NSD1: variants seen among roughly 807,000 people sequenced by gnomAD.
The protein encoded by NSD1 is histone-lysine N-methyltransferase, H3 lysine-36 specific.
Under a neutral mutation model 242.7 loss-of-function variants are expected in NSD1, and 26 were observed. That is an observed-to-expected ratio of 0.11 (90% CI 0.08 to 0.15). The LOEUF (loss-of-function observed/expected upper bound fraction) is 0.15, where lower values mean the gene tolerates loss of function less well. NSD1 is among the 10% of genes least tolerant of loss of function. The probability of loss-of-function intolerance (pLI) is 1.00; values close to 1 mark genes in which losing one functional copy is unlikely to be tolerated. For synonymous variants in NSD1, 1,106 were observed against 1,178.1 expected, an observed-to-expected ratio of 0.94 and a Z score of 1.25; for missense variants, 2,495 against 3,272.8, an observed-to-expected ratio of 0.76 and a Z score of 5.80.
At chr5:177,140,794 T>C (rs1756744322) in intron 2 of NSD1, among the ~76,000 whole-genome samples, 1 of 152,120 alleles carries the variant, frequency 6.6e-6, no homozygotes, top group Non-Finnish European at 1.5e-5. Flanking sequence ...TGGAGGCAGA[T>C]TGGAGTCTGG....
chr5:177,174,512 G>C (rs1760013800), intron 2 of NSD1, among the ~76,000 whole-genome samples: 1 of 151,618 alleles, frequency 6.6e-6, no homozygotes, highest in African/African-American at 2.4e-5. Flanking sequence ...ACTGCACCCG[G>C]CCAGAAGTTA....
At chr5:177,216,033 G>A (rs1454280685) in intron 5 of NSD1, among the ~76,000 whole-genome samples, 1 of 151,544 alleles carries the variant, frequency 6.6e-6, no homozygotes, top group Non-Finnish European at 1.5e-5. Flanking sequence ...GCTAATTTTT[G>A]TGTTTTTTTG....
rs762139163 is a variant in NSD1, at chr5:177,209,884, T to C, written c.1485T>C (p.Ala495=). 6 of 1,614,016 alleles carry C rather than the reference T, an allele frequency of 3.7e-6. No homozygotes were observed. The highest frequency in any genetic ancestry group is 5.1e-6 in the Non-Finnish European group (6 of 1,180,026). ...CAGATGAGAAGGAAAAGCCTTGCGC[T>C]AAATCTCGAGCCAGAAAGAGCTCTG... ...HSADEKEKPC[A]KSRARKSSDN... is the part of the protein sequence containing the mutation. Residue 495 remains alanine, a synonymous_variant, in exon 5 of 23, where the codon GCT becomes GCC. Transcript: ENST00000439151.
intron 3 of NSD1, among the ~76,000 whole-genome samples, chr5:177,196,628 A>G (rs1324271689): frequency 2.0e-5 from 3 of 152,218 alleles, no homozygotes; most frequent in Admixed American, 1.3e-4. Context: ...CAGAGCATCT[A>G]TAACTCAGAA....
At chr5:177,168,521 G>A (rs7703057) in intron 2 of NSD1, among the ~76,000 whole-genome samples, 34,873 of 149,870 alleles carry the variant, frequency 0.23, 5,379 homozygotes, top group East Asian at 0.51. Flanking sequence ...GTGCAATGGC[G>A]TGATCTTGGC....
At chr5:177,229,563 T>C (rs1262361625) in intron 5 of NSD1, among the ~76,000 whole-genome samples, 1 of 152,198 alleles carries the variant, frequency 6.6e-6, no homozygotes, top group Non-Finnish European at 1.5e-5. Context: ...TTATCTTAGC[T>C]TGGCAAATCA....
At chr5:177,148,346 G>C (rs916824184) in intron 2 of NSD1, among the ~76,000 whole-genome samples, 79 of 152,144 alleles carry the variant, frequency 5.2e-4, no homozygotes, top group African/African-American at 1.6e-3. Flanking sequence ...CCAAACTCTT[G>C]ACCCCAGGTG....
chr5:177,146,074 G>A (rs1757215629), intron 2 of NSD1, among the ~76,000 whole-genome samples: 1 of 150,166 alleles, frequency 6.7e-6, no homozygotes, highest in Non-Finnish European at 1.5e-5. Context: ...GGGTGACCCT[G>A]TCTCTTAAAA....
At chr5:177,203,996 A>T in intron 3 of NSD1, 124 bp from the exon 4 acceptor site, 1 of 914,720 alleles carries the variant, frequency 1.1e-6, no homozygotes, top group Non-Finnish European at 1.8e-6. Flanking sequence ...TAGGTTGTCT[A>T]GTTCAGTGGG....
intron 5 of NSD1, among the ~76,000 whole-genome samples, chr5:177,215,905 G>A (rs889339722): frequency 4.1e-4 from 62 of 152,090 alleles, no homozygotes; most frequent in African/African-American, 1.4e-3. Flanking sequence ...TTGTCACCTA[G>A]GGTGGAATAC....
intron 21 of NSD1, among the ~76,000 whole-genome samples, chr5:177,289,681 T>G (rs1388827725): frequency 1.3e-5 from 2 of 152,212 alleles, no homozygotes; most frequent in African/African-American, 4.8e-5. Context: ...AGTAGAACTC[T>G]TAATCTCACC....
intron 2 of NSD1, 150 bp downstream of exon 2, chr5:177,136,180 C>G: frequency 1.5e-6 from 1 of 673,742 alleles, no homozygotes; most frequent in South Asian, 1.8e-5. Context: ...CAAAATTTTA[C>G]TTTGATTTTT....
intron 12 of NSD1, 31 bp downstream of exon 12, chr5:177,251,884 A>C (rs754402673): frequency 5.0e-6 from 8 of 1,613,860 alleles, no homozygotes; most frequent in Non-Finnish European, 6.8e-6. Context: ...TCTTCCTCCA[A>C]AGAAAGTTTG....
chr5:177,180,927 C>T (rs544237921), intron 2 of NSD1, among the ~76,000 whole-genome samples: 2 of 151,404 alleles, frequency 1.3e-5, no homozygotes, highest in Admixed American at 6.6e-5. Context: ...ATGATCCACC[C>T]GCCTCGGCCT....
At position 177,295,412 on chromosome 5, in the gene NSD1, A is replaced by G. The variant is rs148806028; in HGVS notation, c.8044A>G (p.Asn2682Asp). The G allele has an allele frequency of 1.9e-6, 3 of 1,614,216 alleles. No individual in the cohort carries two copies. Among genetic ancestry groups the G allele is most frequent in the Non-Finnish European group, 2.5e-6 (3 of 1,180,038 alleles). Residue 2682 changes from asparagine (N) to aspartate (D), a missense_variant, in exon 23 of 23, where the codon AAC becomes GAC. Transcript: ENST00000439151. This position sits in a 1 kb window ranked among gnomAD's most constrained non-coding sequence, Gnocchi z 4.3. The stretch of plus-strand genomic sequence containing the variant: ...AGAGCAAAATACACTTCCAGCTCTT[A>G]ACCAGGCTCCTTCCAGTCACAAGTG... ...KPEQNTLPAL[N>D]QAPSSHKCAE...
chr5:177,207,655 G>C (rs1225766650), intron 4 of NSD1, among the ~76,000 whole-genome samples: 3 of 135,262 alleles, frequency 2.2e-5, no homozygotes, highest in Non-Finnish European at 4.5e-5. Flanking sequence ...TGTTTCCCAG[G>C]CTGGGCTAAA....
In NSD1 at chr5:177,269,529, T is replaced by C. The variant is rs1757789856; in HGVS notation, c.5304-73T>C. Reference sequence around the variant, plus strand: ...GACAGACATTGCTAATCCTTACTTTTATATGAGTAGGTTATTTTCCTAATG... The same window carrying C: ...GACAGACATTGCTAATCCTTACTTTCATATGAGTAGGTTATTTTCCTAATG... On this transcript the variant is annotated intron_variant, in intron 15 of 22. Coordinates refer to ENST00000439151, the MANE Select transcript of NSD1 (RefSeq NM_022455.5). The surrounding 1 kb of genome is among the most constrained non-coding windows in gnomAD (Gnocchi z 5.1). 7.5e-7 allele frequency: 1 copy of C among 1,330,836 alleles called. No individual in the cohort carries two copies. The highest frequency in any genetic ancestry group is 1.4e-5 in the African/African-American group (1 of 69,354). 82.4% of individuals were successfully genotyped at this position (1,330,836 alleles called of 1,614,324 possible).
intron 13 of NSD1, 70 bp downstream of exon 13, chr5:177,257,221 T>C: frequency 7.9e-7 from 1 of 1,260,282 alleles, no homozygotes. Context: ...TATTTTCTTT[T>C]TTCTTTCTTT....
At chr5:177,261,482 G>A (rs977942328) in intron 14 of NSD1, among the ~76,000 whole-genome samples, 5 of 151,866 alleles carry the variant, frequency 3.3e-5, no homozygotes, top group African/African-American at 9.7e-5. Flanking sequence ...CTTGATTTTT[G>A]CTAGTTAAAT....
Sources: allele counts gnomAD v4.1 joint callset (sites outside exome capture counted in the v4.1 genomes callset), GRCh38; gene constraint gnomAD v4.1.1; non-coding constraint Gnocchi (gnomAD v3.1); transcripts MANE v1.5; gene names NCBI Gene and HGNC (gene_info 2026-07-23, HGNC 2026-07-21).